PCDHA9: variants seen among roughly 807,000 people sequenced by gnomAD.
PCDHA9 encodes protocadherin alpha 9.
Under a neutral mutation model 62.0 loss-of-function variants are expected in PCDHA9, and 62 were observed. That is an observed-to-expected ratio of 1.00 (90% CI 0.81 to 1.23). The LOEUF (loss-of-function observed/expected upper bound fraction) is 1.23. PCDHA9 is among the 50% of genes most tolerant of loss of function. The pLI is 0.00. For synonymous variants in PCDHA9, 557 were observed against 567.6 expected (o/e 0.98, Z 0.27); for missense variants, 1,205 against 1,249.8 (o/e 0.96, Z 0.54).
intron 1 of PCDHA9, among the ~76,000 whole-genome samples, chr5:140,906,909 G>A (rs1477484139): frequency 1.3e-5 from 2 of 152,174 alleles, no homozygotes; most frequent in Admixed American, 6.5e-5. Flanking sequence ...TTAAAGGTAG[G>A]AGGAGCCCAA....
chr5:140,857,763 C>T (rs782102895), intron 1 of PCDHA9: 4 of 1,597,078 alleles, frequency 2.5e-6, no homozygotes, highest in East Asian at 2.2e-5. Context: ...GCTGGCAGCG[C>T]GGGCGGTGCA....
At chr5:140,958,810 G>T (rs2095443726) in intron 1 of PCDHA9, among the ~76,000 whole-genome samples, 1 of 151,988 alleles carries the variant, frequency 6.6e-6, no homozygotes, top group Non-Finnish European at 1.5e-5. Context: ...ACACCATTCT[G>T]TTTTAATTTT....
intron 1 of PCDHA9, among the ~76,000 whole-genome samples, chr5:140,931,201 A>G (rs1444701917): frequency 2.6e-5 from 4 of 152,176 alleles, no homozygotes; most frequent in Admixed American, 2.6e-4. Context: ...CTACAATGCT[A>G]GTATTTCAGG....
chr5:140,995,265 G>A (rs1293855932), intron 3 of PCDHA9, among the ~76,000 whole-genome samples: 1 of 152,102 alleles, frequency 6.6e-6, no homozygotes, highest in African/African-American at 2.4e-5. Context: ...TTGAATACAA[G>A]CCCTTTGATA....
At chr5:140,916,186 G>A (rs1321442931) in intron 1 of PCDHA9, among the ~76,000 whole-genome samples, 3 of 152,160 alleles carry the variant, frequency 2.0e-5, no homozygotes, top group Admixed American at 6.5e-5. Flanking sequence ...CTTCAAGGAA[G>A]TGGGCACCCC....
intron 3 of PCDHA9, among the ~76,000 whole-genome samples, chr5:140,988,308 G>A (rs75602297): frequency 6.6e-6 from 1 of 152,298 alleles, no homozygotes; most frequent in East Asian, 1.9e-4. Flanking sequence ...TGCCAGCTTG[G>A]CTTGGCTTTC....
At chr5:140,927,303 G>A (rs1554204320) in intron 1 of PCDHA9, 69 of 1,614,150 alleles carry the variant, frequency 4.3e-5, no homozygotes, top group Non-Finnish European at 5.7e-5. Context: ...CCGAGTTCCT[G>A]ACGCCCGGAG....
rs199848124 is a variant in PCDHA9 at position 140,875,823 on chromosome 5, C to T, written c.2394+24934C>T. 3,681 of 1,614,172 alleles carry T rather than the reference C, an allele frequency of 2.3e-3. 15 individuals carry two copies. Among genetic ancestry groups the T allele is most frequent in the Middle Eastern group, 9.6e-3 (58 of 6,062 alleles). The stretch of plus-strand genomic sequence containing the variant: ...TCGTGGACAGGCCGCTGCAGGTTTT[C>T]CATGTGGACGTGGAGGTGAAGGACA... On this transcript the variant is annotated intron_variant, in intron 1 of 3. Transcript: ENST00000532602.
Position 140,906,732 on chromosome 5 carries a change from T to G in PCDHA9, c.2394+55843T>G, listed in dbSNP as rs535007647. On this transcript the variant is annotated intron_variant, in intron 1 of 3. Coordinates refer to ENST00000532602, the MANE Select transcript of PCDHA9 (RefSeq NM_031857.2). ...CTGCCTGGATTGTGCTGTTGTAGTT[T>G]CCCATTGACACAGGGCATGGTAATA... Among the ~76,000 whole-genome samples, 14 of 152,296 alleles carry G rather than the reference T, an allele frequency of 9.2e-5. No individual in the cohort carries two copies. The South Asian group carries it at 2.7e-3, about 29-fold the overall frequency.
At chr5:140,910,074 G>T (rs2074869064) in intron 1 of PCDHA9, among the ~76,000 whole-genome samples, 1 of 152,162 alleles carries the variant, frequency 6.6e-6, no homozygotes, top group South Asian at 2.1e-4. Context: ...AGCGTAAATT[G>T]TTGTCAAGGG....
intron 1 of PCDHA9, chr5:140,875,959 G>C (rs1448292250): frequency 5.0e-6 from 8 of 1,614,070 alleles, no homozygotes; most frequent in South Asian, 2.2e-5. Context: ...TGCGGATATC[G>C]GCGTAAACTC....
chr5:140,868,102 T>C (rs2153230741), intron 1 of PCDHA9: 1 of 152,242 alleles, frequency 6.6e-6, no homozygotes, highest in Admixed American at 6.5e-5. Flanking sequence ...ATAATAAAAT[T>C]TATTTTATAG....
Position 140,963,207 on chromosome 5 carries a change from C to A in PCDHA9, c.2395-15742C>A, listed in dbSNP as rs180756619. Among the ~76,000 whole-genome samples, 890 of 148,428 alleles carry A rather than the reference C, an allele frequency of 6.0e-3. 8 individuals are homozygous for A. Among genetic ancestry groups the A allele is most frequent in the African/African-American group, 0.021 (788 of 38,366 alleles). On this transcript the variant is annotated intron_variant, in intron 1 of 3. Transcript: ENST00000532602. Reference sequence around the variant, plus strand: ...TAGACTGTGAAAATGAAAAAAAAAACCTCGTGTTTAGAGTAGACACTGTTT... The same window carrying A: ...TAGACTGTGAAAATGAAAAAAAAAAACTCGTGTTTAGAGTAGACACTGTTT...
At chr5:140,972,096 A>G (rs2096519185) in intron 1 of PCDHA9, among the ~76,000 whole-genome samples, 1 of 152,168 alleles carries the variant, frequency 6.6e-6, no homozygotes. Context: ...AATTTCTGGC[A>G]TAGAAGCAGG....
chr5:140,995,606 C>G (rs532220927), intron 3 of PCDHA9, among the ~76,000 whole-genome samples: 30 of 152,102 alleles, frequency 2.0e-4, no homozygotes, highest in Non-Finnish European at 3.7e-4. Context: ...TTTTTCTTCT[C>G]CCAAACCAAA....
At position 140,852,929 on chromosome 5, in the gene PCDHA9, A is replaced by G. The variant is rs2150525659; in HGVS notation, c.2394+2040A>G. 9 of 654,866 alleles carry G rather than the reference A, an allele frequency of 1.4e-5. No individual in the cohort carries two copies. The Admixed American group carries it at 3.9e-4, about 29-fold the overall frequency. The allele number at this position is 654,866 out of a possible 1,614,324, so 40.6% of individuals were successfully genotyped here. A position where few individuals can be genotyped will look rare whatever the true frequency, so the allele number is the denominator to read the frequency against. Reference sequence around the variant, plus strand: ...AGTCTCGCTCTGTTGCCCAGGCTGGAGTGCAGTGGTGCCATCTTGGCTCAC... The same window carrying G: ...AGTCTCGCTCTGTTGCCCAGGCTGGGGTGCAGTGGTGCCATCTTGGCTCAC... On this transcript the variant is annotated intron_variant, in intron 1 of 3. Transcript: ENST00000532602.
At chr5:140,864,331 TG>T (rs1554158785) in intron 1 of PCDHA9, 2 of 152,248 alleles carry the variant, frequency 1.3e-5, no homozygotes, top group African/African-American at 4.8e-5. Context: ...CATAATTATT[TG>T]AGTTTAAAAC....
At chr5:140,959,038 A>G (rs1389837259) in intron 1 of PCDHA9, among the ~76,000 whole-genome samples, 2 of 151,994 alleles carry the variant, frequency 1.3e-5, no homozygotes, top group African/African-American at 4.8e-5. Flanking sequence ...ATGGGTATGT[A>G]TGTATAGGAA....
intron 3 of PCDHA9, among the ~76,000 whole-genome samples, chr5:140,993,462 T>TCA (rs3836747): frequency 0.1 from 14,588 of 140,880 alleles, 728 homozygotes; most frequent in Middle Eastern, 0.17. Context: ...TCTTTCTTTC[T>TCA]CACACACACA....
Sources: gnomAD v4.1 joint callset for allele counts (sites outside exome capture counted in the v4.1 genomes callset) on GRCh38, gnomAD v4.1.1 for gene constraint, MANE v1.5 for transcripts, NCBI Gene and HGNC (gene_info 2026-07-23, HGNC 2026-07-21) for gene names.